Variants in GMDS observed in about 807,000 individuals in gnomAD.
The protein encoded by GMDS is GDP-mannose 4,6 dehydratase.
Under a neutral mutation model 49.9 loss-of-function variants are expected in GMDS, and 20 were observed. The ratio of observed to expected loss-of-function variants is 0.40; its 90% confidence interval spans 0.28 to 0.58. GMDS has a LOEUF of 0.58. GMDS is among the 20% of genes least tolerant of loss of function. The probability of loss-of-function intolerance (pLI) is 0.42; values close to 1 mark genes in which losing one functional copy is unlikely to be tolerated. For synonymous variants in GMDS, 177 were observed against 178.6 expected (o/e 0.99, Z 0.07); for missense variants, 362 against 481.4 (o/e 0.75, Z 2.32).
intron 1 of GMDS, among the ~76,000 whole-genome samples, chr6:2,238,222 CAAAAAAA>C (rs58141924): frequency 1.7e-5 from 2 of 118,690 alleles, no homozygotes; most frequent in African/African-American, 2.9e-5. Flanking sequence ...CCTGTCTCTA[CAAAAAAA>C]AAAAAAAAAT....
intron 4 of GMDS, among the ~76,000 whole-genome samples, chr6:1,966,773 G>C (rs1764282546): frequency 6.6e-6 from 1 of 152,050 alleles, no homozygotes; most frequent in Non-Finnish European, 1.5e-5. Flanking sequence ...CTTTCCCATG[G>C]CCCCTCCCTG....
chr6:1,885,590 C>T (rs987620757), intron 7 of GMDS, among the ~76,000 whole-genome samples: 1 of 152,108 alleles, frequency 6.6e-6, no homozygotes, highest in Admixed American at 6.5e-5. Flanking sequence ...TGGAAAGTGA[C>T]GTGACAAGGT....
chr6:2,230,937 T>G (rs146487054), intron 1 of GMDS, among the ~76,000 whole-genome samples: 1 of 20,606 alleles, frequency 4.9e-5, no homozygotes, highest in African/African-American at 1.7e-4. Context: ...TCTTCCCCCC[T>G]CCCACCCCCC....
chr6:2,149,438 G>A (rs1034212456), intron 1 of GMDS, among the ~76,000 whole-genome samples: 10 of 152,094 alleles, frequency 6.6e-5, no homozygotes, highest in Non-Finnish European at 1.3e-4. Context: ...CCCATGAACA[G>A]GCACACACAA....
At chr6:1,913,019 ATTG>A (rs1761149309) in intron 7 of GMDS, among the ~76,000 whole-genome samples, 1 of 152,222 alleles carries the variant, frequency 6.6e-6, no homozygotes, top group Non-Finnish European at 1.5e-5. Flanking sequence ...CTCATTGTTT[ATTG>A]TTAACTTGCT....
chr6:2,145,118 G>T (rs773828543), intron 1 of GMDS, among the ~76,000 whole-genome samples: 1 of 152,190 alleles, frequency 6.6e-6, no homozygotes, highest in Non-Finnish European at 1.5e-5. Context: ...TCAATTAGGT[G>T]TATGATAACA....
At chr6:1,731,135 A>G (rs920604761) in intron 8 of GMDS, among the ~76,000 whole-genome samples, 1 of 152,222 alleles carries the variant, frequency 6.6e-6, no homozygotes. Flanking sequence ...GAAATTCACA[A>G]TCCAAGAGAT....
At chr6:1,694,411 TCATTGTGGTATG>T (rs1310139334) in intron 9 of GMDS, among the ~76,000 whole-genome samples, 3 of 152,222 alleles carry the variant, frequency 2.0e-5, no homozygotes, top group Non-Finnish European at 4.4e-5. Context: ...TAAAAGGTAG[TCATTGTGGTATG>T]CATTTACAGA....
intron 3 of GMDS, 142 bp downstream of exon 3, chr6:2,117,327 T>C: frequency 1.6e-6 from 1 of 624,654 alleles, no homozygotes; most frequent in Non-Finnish European, 2.9e-6. Context: ...ATGTAAATCG[T>C]ATTCAGTGCA....
intron 1 of GMDS, among the ~76,000 whole-genome samples, chr6:2,174,341 A>G (rs1778164368): frequency 6.6e-6 from 1 of 152,250 alleles, no homozygotes; most frequent in Admixed American, 6.5e-5. Context: ...TCTCGCATAG[A>G]AAAGTTTAGA....
intron 7 of GMDS, among the ~76,000 whole-genome samples, chr6:1,773,598 G>A (rs1032864998): frequency 3.3e-5 from 5 of 152,182 alleles, no homozygotes; most frequent in Non-Finnish European, 7.3e-5. Context: ...AGAAGGGCTC[G>A]ACTGGCTCGG....
At chr6:1,799,580 A>G (rs1280708439) in intron 7 of GMDS, among the ~76,000 whole-genome samples, 4 of 152,188 alleles carry the variant, frequency 2.6e-5, no homozygotes, top group Non-Finnish European at 5.9e-5. Flanking sequence ...CCTACTTTCT[A>G]GTCACATTCT....
At chr6:1,820,130 T>C (rs897361423) in intron 7 of GMDS, among the ~76,000 whole-genome samples, 1 of 152,084 alleles carries the variant, frequency 6.6e-6, no homozygotes, top group African/African-American at 2.4e-5. Flanking sequence ...TTAGCATTAA[T>C]GAAATGAAAC....
intron 4 of GMDS, among the ~76,000 whole-genome samples, chr6:2,044,729 T>A (rs2127431128): frequency 6.6e-6 from 1 of 152,294 alleles, no homozygotes; most frequent in African/African-American, 2.4e-5. Flanking sequence ...AAAAAAAATG[T>A]TTTTAAGTAC....
At chr6:2,152,110 T>C (rs1311751480) in intron 1 of GMDS, among the ~76,000 whole-genome samples, 2 of 152,184 alleles carry the variant, frequency 1.3e-5, no homozygotes, top group Admixed American at 6.5e-5. Context: ...AATATCAATA[T>C]AGTAAACAAA....
chr6:1,729,504 A>T (rs919090320), intron 8 of GMDS, among the ~76,000 whole-genome samples: 1 of 152,234 alleles, frequency 6.6e-6, no homozygotes, highest in Non-Finnish European at 1.5e-5. Flanking sequence ...GTTGGCAAAA[A>T]CCACTTTCTA....
intron 9 of GMDS, among the ~76,000 whole-genome samples, chr6:1,642,630 G>A (rs62390643): frequency 0.11 from 17,063 of 152,256 alleles, 1,125 homozygotes; most frequent in Non-Finnish European, 0.15. Flanking sequence ...GTTGGAGAAC[G>A]GGGTTCCATG....
chr6:1,818,875 T>C (rs1770776941), intron 7 of GMDS, among the ~76,000 whole-genome samples: 1 of 152,178 alleles, frequency 6.6e-6, no homozygotes, highest in Admixed American at 6.5e-5. Context: ...GTTACTTCGC[T>C]TCTCTTTGTC....
chr6:1,812,272 C>A (rs777099424), intron 7 of GMDS, among the ~76,000 whole-genome samples: 11 of 152,068 alleles, frequency 7.2e-5, no homozygotes, highest in Admixed American at 5.2e-4. Flanking sequence ...GGACTCCGAG[C>A]ACAGAGCAAG....
Sources: gnomAD v4.1 joint callset for allele counts (sites outside exome capture counted in the v4.1 genomes callset) on GRCh38, gnomAD v4.1.1 for gene constraint, MANE v1.5 for transcripts, NCBI Gene and HGNC (gene_info 2026-07-23, HGNC 2026-07-21) for gene names.